The following SAMD5 variants were observed in gnomAD, a reference collection of about 807,000 sequenced individuals.
SAMD5 encodes the protein sterile alpha motif domain-containing protein 5.
A neutral mutation model predicts 11.3 loss-of-function variants in SAMD5; 13 were observed. The ratio of observed to expected loss-of-function variants is 1.15; its 90% confidence interval spans 0.75 to 1.83. SAMD5 has a LOEUF of 1.83. Among genes scored for constraint, SAMD5 ranks in the 40% most tolerant of loss-of-function variants. SAMD5 has a pLI of 0.00. For missense variants in SAMD5, 255 were observed against 239.1 expected, an observed-to-expected ratio of 1.07 and a Z score of -0.44; for synonymous variants, 129 against 111.3, an observed-to-expected ratio of 1.16 and a Z score of -1.00.
chr6:147,851,337 A>C, the SAMD5 span, among the ~76,000 whole-genome samples: 1 of 152,170 alleles, frequency 6.6e-6, no homozygotes, highest in Non-Finnish European at 1.5e-5. Flanking sequence ...ATAAGAAGAA[A>C]ACATAGTCTA....
At chr6:147,661,618 GTGTT>G (rs567147075) in intron 1 of SAMD5, among the ~76,000 whole-genome samples, 15 of 152,176 alleles carry the variant, frequency 9.9e-5, no homozygotes, top group East Asian at 1.9e-4. Flanking sequence ...ACCACTCTTT[GTGTT>G]TGTTTGTTTA....
At chr6:147,806,353 G>C in the SAMD5 span, among the ~76,000 whole-genome samples, 1 of 152,168 alleles carries the variant, frequency 6.6e-6, no homozygotes, top group Non-Finnish European at 1.5e-5. Flanking sequence ...TGCATTTGCT[G>C]CTACTTCCAG....
intron 1 of SAMD5, among the ~76,000 whole-genome samples, chr6:147,626,792 A>AAG (rs1562337032): frequency 2.8e-5 from 1 of 35,186 alleles, no homozygotes; most frequent in Non-Finnish European, 4.7e-5. Context: ...TGTTTCTATG[A>AAG]AAAAAAAAAA....
chr6:147,566,915 C>A lies in SAMD5; in HGVS notation c.*2459C>A, dbSNP rs1195081647. On this transcript the variant is annotated 3_prime_UTR_variant, in exon 2 of 2. Transcript: ENST00000367474. ...GTCTTAGAAGGAGTAATTTTTTCAG[C>A]GTTTTTCCTCTGTATCTAAACACCA... The A allele has an allele frequency of 1.1e-6, 1 of 926,950 alleles. No individual in the cohort carries two copies. Among genetic ancestry groups the A allele is most frequent in the Non-Finnish European group, 1.3e-6 (1 of 777,134 alleles). The allele number at this position is 926,950 out of a possible 1,614,324, so 57.4% of individuals were successfully genotyped here.
intron 1 of SAMD5, among the ~76,000 whole-genome samples, chr6:147,633,450 G>A (rs1790181100): frequency 6.6e-6 from 1 of 152,030 alleles, no homozygotes; most frequent in Non-Finnish European, 1.5e-5. Flanking sequence ...TGAATAATTG[G>A]GAATGACTAG....
chr6:147,906,780 G>A, the SAMD5 span, among the ~76,000 whole-genome samples: 29 of 152,124 alleles, frequency 1.9e-4, no homozygotes, highest in Non-Finnish European at 2.5e-4. Context: ...GGCAGGTAGC[G>A]TTTTAAGTTT....
rs1489390251 is a variant in SAMD5, at chr6:147,565,970, T to C, written c.*1514T>C. The C allele has an allele frequency of 3.0e-6, 3 of 985,008 alleles. No homozygotes were observed. In the East Asian group the frequency reaches 3.4e-4, roughly 112 times the overall value. 61.0% of individuals were successfully genotyped at this position (985,008 alleles called of 1,614,324 possible). A position where few individuals can be genotyped will look rare whatever the true frequency, so the allele number is the denominator to read the frequency against. On this transcript the variant is annotated 3_prime_UTR_variant, in exon 2 of 2. Transcript: ENST00000367474. ...TAAGTTCCCATCGGCACCGTCATGG[T>C]AAGAAGAATAAGAAACTCTCAAAGG...
chr6:147,924,573 G>T, the SAMD5 span, among the ~76,000 whole-genome samples: 2 of 151,760 alleles, frequency 1.3e-5, no homozygotes, highest in Non-Finnish European at 2.9e-5. Flanking sequence ...ACTTGAACTA[G>T]CTTATTTTTT....
At chr6:147,923,265 T>C in the SAMD5 span, among the ~76,000 whole-genome samples, 18 of 152,352 alleles carry the variant, frequency 1.2e-4, no homozygotes, top group Non-Finnish European at 2.9e-5. Flanking sequence ...AATTCTGTAT[T>C]TGATATGCTG....
At chr6:147,536,246 G>A (rs1788507774) in intron 1 of SAMD5, among the ~76,000 whole-genome samples, 1 of 152,158 alleles carries the variant, frequency 6.6e-6, no homozygotes, top group Non-Finnish European at 1.5e-5. Flanking sequence ...GCCTTCCAAA[G>A]TGCTGGAATT....
chr6:147,619,339 G>C (rs894826623), intron 1 of SAMD5, among the ~76,000 whole-genome samples: 5 of 152,066 alleles, frequency 3.3e-5, no homozygotes, highest in Non-Finnish European at 5.9e-5. Flanking sequence ...AAATGCATTG[G>C]GTTATTTACT....
chr6:147,518,598 C>T (rs1788207507), intron 1 of SAMD5, among the ~76,000 whole-genome samples: 2 of 152,046 alleles, frequency 1.3e-5, no homozygotes, highest in Admixed American at 1.3e-4. Flanking sequence ...GAAGGGCCAT[C>T]CTGAGGTGAA....
At chr6:147,678,589 C>T (rs1410759428) in intron 1 of SAMD5, among the ~76,000 whole-genome samples, 2 of 152,100 alleles carry the variant, frequency 1.3e-5, no homozygotes, top group African/African-American at 4.8e-5. Flanking sequence ...AGATGGGGGA[C>T]CTCATCTATA....
chr6:147,636,762 C>T (rs574205144), intron 1 of SAMD5, among the ~76,000 whole-genome samples: 30 of 152,226 alleles, frequency 2.0e-4, no homozygotes, highest in South Asian at 6.2e-4. Flanking sequence ...CATGTGGTTA[C>T]CAAATGTTAC....
chr6:147,523,107 C>G (rs1355870394), intron 1 of SAMD5, among the ~76,000 whole-genome samples: 1 of 152,058 alleles, frequency 6.6e-6, no homozygotes, highest in Non-Finnish European at 1.5e-5. Flanking sequence ...CCTTCCTGCT[C>G]CTACCCCACC....
chr6:147,915,602 C>T, the SAMD5 span, among the ~76,000 whole-genome samples: 1 of 152,130 alleles, frequency 6.6e-6, no homozygotes, highest in East Asian at 1.9e-4. Flanking sequence ...GTGCCTGGCC[C>T]TACAGAGTAT....
At chr6:147,768,141 A>G in the SAMD5 span, among the ~76,000 whole-genome samples, 7 of 152,300 alleles carry the variant, frequency 4.6e-5, no homozygotes, top group Middle Eastern at 3.4e-3. Flanking sequence ...ATTTTTGGTG[A>G]TGGTATATAC....
intron 1 of SAMD5, among the ~76,000 whole-genome samples, chr6:147,590,031 T>C (rs1789430983): frequency 1.3e-5 from 2 of 152,214 alleles, no homozygotes; most frequent in Non-Finnish European, 2.9e-5. Context: ...GCTGCCAAAT[T>C]GCAGTTAAAA....
At chr6:147,515,276 T>G (rs1788150611) in intron 1 of SAMD5, among the ~76,000 whole-genome samples, 1 of 146,456 alleles carries the variant, frequency 6.8e-6, no homozygotes, top group Non-Finnish European at 1.5e-5. Flanking sequence ...GCTTTGATGG[T>G]GTGGGGACTT....
Sources: allele counts gnomAD v4.1 joint callset (sites outside exome capture counted in the v4.1 genomes callset), GRCh38; gene constraint gnomAD v4.1.1; transcripts MANE v1.5; gene names NCBI Gene and HGNC (gene_info 2026-07-23, HGNC 2026-07-21).